Variants in TRAPPC9 observed in about 807,000 individuals in gnomAD.
TRAPPC9 encodes IKK2 binding protein.
A neutral mutation model predicts 124.0 loss-of-function variants in TRAPPC9; 83 were observed. That is an observed-to-expected ratio of 0.67 (90% CI 0.56 to 0.80). The LOEUF is 0.80. Among genes scored for constraint, TRAPPC9 ranks in the 30% least tolerant of loss-of-function variants. The pLI is 0.00. For synonymous variants in TRAPPC9, 638 were observed against 617.5 expected (o/e 1.03, Z -0.49); for missense variants, 1,302 against 1,508.3 (o/e 0.86, Z 2.27).
chr8:139,928,322 T>C (rs992604444), intron 19 of TRAPPC9, among the ~76,000 whole-genome samples: 2 of 152,082 alleles, frequency 1.3e-5, no homozygotes, highest in Non-Finnish European at 2.9e-5. Context: ...CAAAATGCCG[T>C]CTCTACTAAA....
intron 17 of TRAPPC9, among the ~76,000 whole-genome samples, chr8:140,071,277 G>C (rs1244731990): frequency 1.3e-5 from 2 of 152,186 alleles, no homozygotes; most frequent in African/African-American, 4.8e-5. Context: ...TGGAGGCCAG[G>C]AACCTCTGTG....
intron 17 of TRAPPC9, among the ~76,000 whole-genome samples, chr8:140,217,459 G>A (rs4487737): frequency 0.39 from 58,938 of 152,110 alleles, 14,374 homozygotes; most frequent in Non-Finnish European, 0.55. Context: ...ACGGCCTCTG[G>A]CAGGATCTAA....
intron 7 of TRAPPC9, among the ~76,000 whole-genome samples, chr8:140,388,847 CAAAA>C (rs59649390): frequency 4.9e-5 from 3 of 60,976 alleles, no homozygotes; most frequent in Non-Finnish European, 6.8e-5. Context: ...GAGACTCCAT[CAAAA>C]AAAAAAAAAA....
chr8:140,374,251 C>T lies in TRAPPC9; in HGVS notation c.1135-3071G>A, dbSNP rs116380236. Reference sequence around the variant, plus strand: ...AGTGCTGGAGGACAGCAGCCAGGGACGGGGTGGAAGAGGACTGTAAAGAGG... The same window carrying T: ...AGTGCTGGAGGACAGCAGCCAGGGATGGGGTGGAAGAGGACTGTAAAGAGG... On this transcript the variant is annotated intron_variant, in intron 7 of 22. Coordinates refer to ENST00000438773, the MANE Select transcript of TRAPPC9 (RefSeq NM_001160372.4). Among the ~76,000 whole-genome samples the T allele has an allele frequency of 7.2e-3, 1,103 of 152,174 alleles. 12 individuals are homozygous for T. Among genetic ancestry groups the T allele is most frequent in the African/African-American group, 0.025 (1,022 of 41,528 alleles).
intron 17 of TRAPPC9, among the ~76,000 whole-genome samples, chr8:140,142,276 G>A (rs1011591918): frequency 6.6e-6 from 1 of 152,198 alleles, no homozygotes; most frequent in African/African-American, 2.4e-5. Flanking sequence ...TTTTCTCCAA[G>A]TGCCAAGAAT....
At chr8:140,381,667 C>CAAAAAAA (rs56659960) in intron 7 of TRAPPC9, among the ~76,000 whole-genome samples, 5 of 48,356 alleles carry the variant, frequency 1.0e-4, no homozygotes, top group South Asian at 1.1e-3. Context: ...GACTCTGTCT[C>CAAAAAAA]AAAAAAAAAA....
At chr8:139,866,580 G>A (rs1828555906) in intron 21 of TRAPPC9, among the ~76,000 whole-genome samples, 1 of 152,132 alleles carries the variant, frequency 6.6e-6, no homozygotes, top group South Asian at 2.1e-4. Flanking sequence ...TTACATACAG[G>A]AAGACCGATA....
intron 17 of TRAPPC9, chr8:140,040,623 C>A (rs1841211810): frequency 6.6e-6 from 1 of 152,426 alleles, no homozygotes; most frequent in Non-Finnish European, 1.5e-5. Flanking sequence ...ACCTCGTGAT[C>A]CGCCCATCTC....
At chr8:140,147,036 T>G (rs190589303) in intron 17 of TRAPPC9, among the ~76,000 whole-genome samples, 73 of 152,348 alleles carry the variant, frequency 4.8e-4, no homozygotes, top group Non-Finnish European at 7.9e-4. Flanking sequence ...GTAACTGCAG[T>G]TTTTGCCACT....
chr8:140,184,765 A>G (rs1222623590), intron 17 of TRAPPC9, among the ~76,000 whole-genome samples: 1 of 152,188 alleles, frequency 6.6e-6, no homozygotes, highest in Non-Finnish European at 1.5e-5. Context: ...TAAAACACAT[A>G]TACAGAAAAT....
intron 15 of TRAPPC9, among the ~76,000 whole-genome samples, chr8:140,255,607 C>T (rs924522829): frequency 1.6e-4 from 24 of 152,180 alleles, no homozygotes; most frequent in Non-Finnish European, 3.4e-4. Flanking sequence ...AGCTGTGGAC[C>T]GGGCGCAGTG....
At chr8:140,033,657 G>GTT (rs1491525674) in intron 17 of TRAPPC9, among the ~76,000 whole-genome samples, 5 of 49,304 alleles carry the variant, frequency 1.0e-4, no homozygotes, top group Non-Finnish European at 1.1e-4. Context: ...TTCATAATGT[G>GTT]GTTTTTTTTT....
At chr8:140,002,598 C>T (rs980900670) in intron 18 of TRAPPC9, among the ~76,000 whole-genome samples, 1 of 151,906 alleles carries the variant, frequency 6.6e-6, no homozygotes, top group Non-Finnish European at 1.5e-5. Flanking sequence ...GGTACACTAA[C>T]ATAGTAGTAA....
chr8:140,191,030 G>A (rs961862697), intron 17 of TRAPPC9, among the ~76,000 whole-genome samples: 11 of 152,114 alleles, frequency 7.2e-5, no homozygotes, highest in Non-Finnish European at 4.4e-5. Flanking sequence ...GCAGTCTCTC[G>A]GAGAGGCCAG....
chr8:140,411,722 C>G (rs1233914493), intron 5 of TRAPPC9, among the ~76,000 whole-genome samples: 2 of 152,124 alleles, frequency 1.3e-5, no homozygotes, highest in Non-Finnish European at 2.9e-5. Context: ...TTTTAAGAAT[C>G]AGCTTGAAGA....
At chr8:140,271,319 TAA>T (rs2064871815) in intron 15 of TRAPPC9, among the ~76,000 whole-genome samples, 1 of 152,114 alleles carries the variant, frequency 6.6e-6, no homozygotes, top group African/African-American at 2.4e-5. Context: ...GTTTTTAAAA[TAA>T]GACACAAATA....
At chr8:140,264,481 C>T (rs191623263) in intron 15 of TRAPPC9, among the ~76,000 whole-genome samples, 3 of 151,122 alleles carry the variant, frequency 2.0e-5, no homozygotes, top group African/African-American at 2.4e-5. Context: ...TTTATTCACC[C>T]GGGGAATTGT....
intron 21 of TRAPPC9, among the ~76,000 whole-genome samples, chr8:139,756,940 G>T (rs1295371438): frequency 1.1e-4 from 12 of 109,096 alleles, no homozygotes; most frequent in Non-Finnish European, 1.7e-4. Flanking sequence ...AGCCAGGGTT[G>T]GGGTATAAGG....
intron 21 of TRAPPC9, among the ~76,000 whole-genome samples, chr8:139,821,908 G>A (rs141614587): frequency 1.8e-4 from 28 of 152,312 alleles, no homozygotes; most frequent in African/African-American, 5.5e-4. Flanking sequence ...AAAATGAATC[G>A]TAGTGCCATG....
Sources: gnomAD v4.1 joint callset for allele counts (sites outside exome capture counted in the v4.1 genomes callset) on GRCh38, gnomAD v4.1.1 for gene constraint, MANE v1.5 for transcripts, NCBI Gene and HGNC (gene_info 2026-07-23, HGNC 2026-07-21) for gene names.